The following YWHAQ variants were observed in gnomAD, a reference collection of about 807,000 sequenced individuals.
YWHAQ encodes the protein 14-3-3 protein theta.
In YWHAQ, 6 loss-of-function variants were observed where a neutral mutation model predicts 28.3. The observed-to-expected ratio is 0.21, with a 90% confidence interval of 0.12 to 0.42. The LOEUF is 0.42. YWHAQ is among the 10% of genes least tolerant of loss of function. YWHAQ has a pLI of 1.00. For missense variants in YWHAQ, 201 were observed against 305.6 expected, an observed-to-expected ratio of 0.66 and a Z score of 2.55; for synonymous variants, 143 against 119.1, an observed-to-expected ratio of 1.20 and a Z score of -1.31.
intron 3 of YWHAQ, 33 bp from the exon 4 acceptor site, chr2:9,588,361 T>C (rs750901996): frequency 6.3e-7 from 1 of 1,598,782 alleles, no homozygotes; most frequent in Non-Finnish European, 8.5e-7. Flanking sequence ...AGTGCAATAT[T>C]AAAAATAACC....
intron 2 of YWHAQ, among the ~76,000 whole-genome samples, chr2:9,617,867 C>T (rs946967959): frequency 6.6e-6 from 1 of 151,158 alleles, no homozygotes; most frequent in Non-Finnish European, 1.5e-5. Flanking sequence ...TTTGAGGATG[C>T]AGTGAGTCAT....
intron 2 of YWHAQ, among the ~76,000 whole-genome samples, chr2:9,592,552 C>T (rs552408990): frequency 6.6e-6 from 1 of 151,934 alleles, no homozygotes; most frequent in East Asian, 1.9e-4. Context: ...AATGAAACCC[C>T]GTCTCTACTA....
At chr2:9,624,930 G>C (rs1207779429) in intron 2 of YWHAQ, among the ~76,000 whole-genome samples, 1 of 151,874 alleles carries the variant, frequency 6.6e-6, no homozygotes, top group Non-Finnish European at 1.5e-5. Flanking sequence ...TTTTAGTAGA[G>C]ATGGGGTTTT....
intron 2 of YWHAQ, among the ~76,000 whole-genome samples, chr2:9,607,746 C>G (rs1666862237): frequency 7.4e-6 from 1 of 135,250 alleles, no homozygotes; most frequent in Non-Finnish European, 1.5e-5. Flanking sequence ...GAGTCTCAGT[C>G]TGTCACCCAG....
At chr2:9,585,939 T>G (rs2125061088) in intron 5 of YWHAQ, among the ~76,000 whole-genome samples, 1 of 152,026 alleles carries the variant, frequency 6.6e-6, no homozygotes, top group East Asian at 1.9e-4. Context: ...AAGAGAAACT[T>G]TTTTAAAAAG....
At chr2:9,598,011 T>TTTTTTTTTTTTTTTTTTTTTG (rs1397521514) in intron 2 of YWHAQ, among the ~76,000 whole-genome samples, 1 of 137,102 alleles carries the variant, frequency 7.3e-6, no homozygotes, top group Non-Finnish European at 1.6e-5. Context: ...TTTTTTTTTT[T>TTTTTTTTTTTTTTTTTTTTTG]TTAGTAGAGA....
intron 2 of YWHAQ, among the ~76,000 whole-genome samples, chr2:9,600,639 A>T (rs2125065992): frequency 6.6e-6 from 1 of 152,192 alleles, no homozygotes; most frequent in South Asian, 2.1e-4. Context: ...CGGGAGGCAG[A>T]GGTTGTGGTG....
intron 2 of YWHAQ, among the ~76,000 whole-genome samples, chr2:9,613,957 G>A (rs11902264): frequency 1.3e-5 from 2 of 152,030 alleles, no homozygotes; most frequent in African/African-American, 4.8e-5. Context: ...TAAGGGTATG[G>A]GTGAGCTGCA....
intron 2 of YWHAQ, among the ~76,000 whole-genome samples, chr2:9,622,123 A>G (rs1337359921): frequency 6.6e-6 from 1 of 152,006 alleles, no homozygotes. Flanking sequence ...ACCATGGCAC[A>G]TGTATACCTA....
At position 9,606,130 on chromosome 2, in the gene YWHAQ, TG is replaced by T. The variant is rs1666823318; in HGVS notation, c.295-14616del. On this transcript the variant is annotated intron_variant, in intron 2 of 5. Coordinates refer to ENST00000238081, the MANE Select transcript of YWHAQ (RefSeq NM_006826.4). Reference sequence around the variant, plus strand: ...CTTCCAATCTTGGTATTTCCAACTATGCACCAAATGTACACTTGATCCACAA... The same window carrying T: ...CTTCCAATCTTGGTATTTCCAACTATCACCAAATGTACACTTGATCCACAA... Among the ~76,000 whole-genome samples the T allele has an allele frequency of 2.0e-5, 3 of 152,236 alleles. No homozygotes were observed. In the South Asian group the frequency reaches 6.2e-4, roughly 31 times the overall value.
intron 2 of YWHAQ, among the ~76,000 whole-genome samples, chr2:9,607,566 C>T (rs933575764): frequency 6.6e-6 from 1 of 151,992 alleles, no homozygotes; most frequent in African/African-American, 2.4e-5. Flanking sequence ...ACATGAGAAA[C>T]GCAAGTGAAT....
chr2:9,597,634 C>CAAAAAAAAAAAAAAAAAA (rs562319001), intron 2 of YWHAQ, among the ~76,000 whole-genome samples: 1 of 75,326 alleles, frequency 1.3e-5, no homozygotes, highest in Admixed American at 1.7e-4. Flanking sequence ...AACTCCGTCT[C>CAAAAAAAAAAAAAAAAAA]AAAAAAAAAA....
intron 2 of YWHAQ, among the ~76,000 whole-genome samples, chr2:9,626,778 T>G (rs533453011): frequency 6.6e-6 from 1 of 152,348 alleles, no homozygotes; most frequent in African/African-American, 2.4e-5. Context: ...CAACACTCAG[T>G]AAGATCACCA....
intron 4 of YWHAQ, among the ~76,000 whole-genome samples, chr2:9,587,953 C>G (rs966462355): frequency 6.6e-6 from 1 of 152,112 alleles, no homozygotes; most frequent in Admixed American, 6.5e-5. Context: ...GCTCAGTATG[C>G]TCTGTAGGCA....
chr2:9,598,392 G>A (rs912781852), intron 2 of YWHAQ, among the ~76,000 whole-genome samples: 47 of 152,164 alleles, frequency 3.1e-4, no homozygotes, highest in African/African-American at 1.1e-3. Context: ...TAAGCCCACT[G>A]TCCTAGCAGA....
chr2:9,584,636 T>C lies in YWHAQ; in HGVS notation c.*650A>G, dbSNP rs1666307714. ...GGCAGGAGGTGTAAGTGAATTTTTATTGGGAGGGGAGGTTGGCAACTTAAA... is the reference window on the plus strand; with the variant it reads ...GGCAGGAGGTGTAAGTGAATTTTTACTGGGAGGGGAGGTTGGCAACTTAAA... On this transcript the variant is annotated 3_prime_UTR_variant, in exon 6 of 6. Coordinates refer to ENST00000238081, the MANE Select transcript of YWHAQ (RefSeq NM_006826.4). 4 of 152,634 alleles carry C rather than the reference T, an allele frequency of 2.6e-5. No homozygotes were observed. Among genetic ancestry groups the C allele is most frequent in the African/African-American group, 7.2e-5 (3 of 41,452 alleles). 9.5% of individuals were successfully genotyped at this position (152,634 alleles called of 1,614,324 possible).
intron 2 of YWHAQ, among the ~76,000 whole-genome samples, chr2:9,610,265 T>G (rs1228883628): frequency 6.6e-6 from 1 of 152,230 alleles, no homozygotes; most frequent in Non-Finnish European, 1.5e-5. Context: ...AACCAATATC[T>G]ACATGCTAAT....
chr2:9,622,914 C>T (rs1420482604), intron 2 of YWHAQ, among the ~76,000 whole-genome samples: 1 of 152,160 alleles, frequency 6.6e-6, no homozygotes, highest in Admixed American at 6.5e-5. Context: ...CTACCACCTC[C>T]CTGATATCCA....
chr2:9,603,207 C>A (rs748059885), intron 2 of YWHAQ, among the ~76,000 whole-genome samples: 1 of 151,446 alleles, frequency 6.6e-6, no homozygotes, highest in Non-Finnish European at 1.5e-5. Flanking sequence ...ACAATCTGTT[C>A]AAATATCATG....
Sources: gnomAD v4.1 joint callset for allele counts (sites outside exome capture counted in the v4.1 genomes callset) on GRCh38, gnomAD v4.1.1 for gene constraint, MANE v1.5 for transcripts, NCBI Gene and HGNC (gene_info 2026-07-23, HGNC 2026-07-21) for gene names.